The following MACROD2 variants were observed in gnomAD, a reference collection of about 807,000 sequenced individuals.
The protein encoded by MACROD2 is ADP-ribose glycohydrolase MACROD2.
MACROD2 carries 36 observed loss-of-function variants against 70.4 expected under a neutral mutation model. The observed-to-expected ratio is 0.51, with a 90% CI of 0.39 to 0.68. The LOEUF (loss-of-function observed/expected upper bound fraction) is 0.68. Among genes scored for constraint, MACROD2 ranks in the 30% least tolerant of loss-of-function variants. MACROD2 has a pLI of 0.00. For synonymous variants in MACROD2, 172 were observed against 178.8 expected (o/e 0.96, Z 0.30); for missense variants, 496 against 538.4 (o/e 0.92, Z 0.78).
chr20:15,690,791 C>A (rs1047271640), intron 8 of MACROD2, among the ~76,000 whole-genome samples: 1 of 152,128 alleles, frequency 6.6e-6, no homozygotes, highest in African/African-American at 2.4e-5. Flanking sequence ...CATGACCAAC[C>A]AAGACTCCAT....
intron 8 of MACROD2, among the ~76,000 whole-genome samples, chr20:15,520,700 T>A (rs924932776): frequency 4.6e-5 from 7 of 152,212 alleles, no homozygotes; most frequent in Non-Finnish European, 1.0e-4. Flanking sequence ...GTGGCACTAC[T>A]GAGAGTCAGA....
chr20:15,007,022 C>A (rs1253564116), intron 5 of MACROD2, among the ~76,000 whole-genome samples: 1 of 151,990 alleles, frequency 6.6e-6, no homozygotes, highest in Non-Finnish European at 1.5e-5. Flanking sequence ...AAAATACTGT[C>A]AAAGTAGGTT....
intron 3 of MACROD2, among the ~76,000 whole-genome samples, chr20:14,290,443 C>T (rs1381373522): frequency 6.6e-6 from 1 of 151,970 alleles, no homozygotes; most frequent in Non-Finnish European, 1.5e-5. Flanking sequence ...ACCTGAGCAC[C>T]CAGGCCACAG....
intron 8 of MACROD2, among the ~76,000 whole-genome samples, chr20:15,518,964 A>T (rs527695685): frequency 6.6e-6 from 1 of 152,330 alleles, no homozygotes; most frequent in African/African-American, 2.4e-5. Context: ...GTTCAGTAAG[A>T]GTTAACATTT....
chr20:15,253,097 G>A (rs187648697), intron 6 of MACROD2, among the ~76,000 whole-genome samples: 47 of 152,310 alleles, frequency 3.1e-4, no homozygotes, highest in African/African-American at 1.1e-3. Context: ...CAAGGGAGGA[G>A]TTGAAGGCCA....
At chr20:14,160,744 T>G (rs890034721) in intron 3 of MACROD2, among the ~76,000 whole-genome samples, 1 of 152,120 alleles carries the variant, frequency 6.6e-6, no homozygotes, top group Non-Finnish European at 1.5e-5. Context: ...TTATTATTTT[T>G]TCTTCTCCTA....
intron 5 of MACROD2, among the ~76,000 whole-genome samples, chr20:15,058,657 C>T (rs1401329749): frequency 6.6e-6 from 1 of 152,144 alleles, no homozygotes. Context: ...TGCTCTACTA[C>T]TACAACATTA....
At chr20:15,568,202 C>T (rs1461888400) in intron 8 of MACROD2, among the ~76,000 whole-genome samples, 5 of 152,188 alleles carry the variant, frequency 3.3e-5, no homozygotes, top group Non-Finnish European at 7.3e-5. Flanking sequence ...TTCAGAAGTT[C>T]TATTGAGAGT....
chr20:15,396,195 T>C (rs2045857923), intron 6 of MACROD2, among the ~76,000 whole-genome samples: 2 of 152,216 alleles, frequency 1.3e-5, no homozygotes, highest in African/African-American at 2.4e-5. Flanking sequence ...GAAGTGAACA[T>C]AAATTTCCTC....
chr20:15,008,074 T>G (rs778376768), intron 5 of MACROD2, among the ~76,000 whole-genome samples: 2 of 152,222 alleles, frequency 1.3e-5, no homozygotes, highest in Non-Finnish European at 2.9e-5. Context: ...CTGGCTTTCT[T>G]TCTATGAAAA....
intron 5 of MACROD2, among the ~76,000 whole-genome samples, chr20:14,721,641 G>A (rs2071471533): frequency 6.6e-6 from 1 of 152,148 alleles, no homozygotes; most frequent in Admixed American, 6.5e-5. Context: ...GGGGCTTTCT[G>A]AATTGCCTTT....
chr20:14,915,488 G>A (rs1383406113), intron 5 of MACROD2, among the ~76,000 whole-genome samples: 1 of 152,172 alleles, frequency 6.6e-6, no homozygotes, highest in East Asian at 1.9e-4. Flanking sequence ...ATACCACACT[G>A]TGTATCTGCT....
At chr20:15,156,666 T>C (rs2076308998) in intron 5 of MACROD2, among the ~76,000 whole-genome samples, 1 of 152,120 alleles carries the variant, frequency 6.6e-6, no homozygotes, top group African/African-American at 2.4e-5. Flanking sequence ...TCATTTCAGC[T>C]TTCTTCCTCC....
chr20:14,038,131 T>G (rs2053342705), intron 2 of MACROD2, among the ~76,000 whole-genome samples: 1 of 152,032 alleles, frequency 6.6e-6, no homozygotes, highest in Non-Finnish European at 1.5e-5. Context: ...CCGTCTCTAC[T>G]AAAAATACAA....
intron 3 of MACROD2, among the ~76,000 whole-genome samples, chr20:14,368,601 T>C (rs2083294931): frequency 6.6e-6 from 1 of 152,102 alleles, no homozygotes; most frequent in Non-Finnish European, 1.5e-5. Context: ...GTATTAAATC[T>C]AGAAATAAGA....
chr20:15,755,309 T>C (rs1179803766), intron 8 of MACROD2, among the ~76,000 whole-genome samples: 1 of 152,148 alleles, frequency 6.6e-6, no homozygotes, highest in Non-Finnish European at 1.5e-5. Context: ...TTGCCATGAG[T>C]CCTGAGTGTG....
intron 8 of MACROD2, among the ~76,000 whole-genome samples, chr20:15,706,947 G>A (rs976075239): frequency 2.0e-5 from 3 of 152,130 alleles, no homozygotes; most frequent in South Asian, 4.1e-4. Context: ...GGCAAACCAA[G>A]GGCTGCTATC....
intron 5 of MACROD2, among the ~76,000 whole-genome samples, chr20:14,803,678 A>G (rs926551326): frequency 4.0e-5 from 6 of 151,882 alleles, no homozygotes; most frequent in Non-Finnish European, 7.4e-5. Context: ...ACGGGGTTTC[A>G]CTACATTGAC....
At chr20:15,467,307 T>A (rs1414719007) in intron 7 of MACROD2, among the ~76,000 whole-genome samples, 1 of 152,254 alleles carries the variant, frequency 6.6e-6, no homozygotes, top group Non-Finnish European at 1.5e-5. Context: ...TAGCCCTAGC[T>A]GTCCACAGTG....
Sources: allele counts gnomAD v4.1 joint callset (sites outside exome capture counted in the v4.1 genomes callset), GRCh38; gene constraint gnomAD v4.1.1; transcripts MANE v1.5; gene names NCBI Gene and HGNC (gene_info 2026-07-23, HGNC 2026-07-21).